The following HMGB2 variants were observed in gnomAD, a reference collection of about 807,000 sequenced individuals.
The protein encoded by HMGB2 is high mobility group box 2.
HMGB2 carries 2 observed loss-of-function variants against 23.0 expected under a neutral mutation model. That is an observed-to-expected ratio of 0.09 (90% CI 0.04 to 0.27). The LOEUF (loss-of-function observed/expected upper bound fraction) is 0.27. Among genes scored for constraint, HMGB2 ranks in the 10% least tolerant of loss-of-function variants. The pLI, the probability that HMGB2 is intolerant of heterozygous loss-of-function variation, is 1.00. For missense variants in HMGB2, 178 were observed against 256.5 expected (o/e 0.69, Z 2.09); for synonymous variants, 99 against 87.5 (o/e 1.13, Z -0.73).
At chr4:173,334,154 C>CCA (rs1482285461) in intron 1 of HMGB2, 118 bp downstream of exon 1, 1 of 152,906 alleles carries the variant, frequency 6.5e-6, no homozygotes, top group Non-Finnish European at 1.5e-5. Context: ...GGCCCGCACC[C>CCA]CAAATGCCGC....
chr4:173,332,687 G>T, intron 4 of HMGB2, 134 bp downstream of exon 4: 1 of 793,702 alleles, frequency 1.3e-6, no homozygotes, highest in Non-Finnish European at 2.1e-6. Flanking sequence ...GTGTTGAAGT[G>T]TACAATTTTC....
Position 173,332,028 on chromosome 4 carries a change from A to G in HMGB2, c.*52T>C. On this transcript the variant is annotated 3_prime_UTR_variant, in exon 5 of 5. Transcript: ENST00000296503. The stretch of plus-strand genomic sequence containing the variant: ...CTTGAATTCACATTCTTAGCAAAAT[A>G]ATTGCCTGAGCACACACACACATTC... 6.2e-7 allele frequency: 1 copy of G among 1,607,440 alleles called. No individual in the cohort carries two copies. Among genetic ancestry groups the G allele is most frequent in the Non-Finnish European group, 8.5e-7 (1 of 1,177,688 alleles).
Position 173,333,056 on chromosome 4 carries a change from A to G in HMGB2, c.296+13T>C. On this transcript the variant is annotated intron_variant, in intron 3 of 4. Coordinates refer to ENST00000296503, the MANE Select transcript of HMGB2 (RefSeq NM_002129.4). The surrounding 1 kb of genome is among the most constrained non-coding windows in gnomAD (Gnocchi z 4.6). ...AAAAATCCAAGGAGCAATTTGGGTTATTTTAAACTTACGGTGGCCTTTTAG... is the reference window on the plus strand; with the variant it reads ...AAAAATCCAAGGAGCAATTTGGGTTGTTTTAAACTTACGGTGGCCTTTTAG... The G allele has an allele frequency of 6.2e-7, 1 of 1,612,906 alleles. No homozygotes were observed. Among genetic ancestry groups the G allele is most frequent in the Admixed American group, 1.7e-5 (1 of 59,786 alleles).
chr4:173,332,662 G>A, intron 4 of HMGB2, 159 bp downstream of exon 4: 1 of 665,460 alleles, frequency 1.5e-6, no homozygotes, highest in South Asian at 1.9e-5. Flanking sequence ...TCAAAAGGAA[G>A]GTTTCAATTA....
rs572751597 is a variant in HMGB2 at position 173,333,578 on chromosome 4, C to T, written c.72G>A (p.Arg24=). The change falls in exon 2 of 5, where the codon CGG becomes CGA. Residue 24 remains arginine, a synonymous_variant. Transcript: ENST00000296503. The surrounding 1 kb of genome is among the most constrained non-coding windows in gnomAD (Gnocchi z 4.6). The part of the protein sequence containing the change: ...SSYAFFVQTC[R]EEHKKKHPDS... Reference sequence around the variant, plus strand: ...CCGGGTGTTTCTTCTTGTGCTCTTCCCGGCAGGTCTGCACGAAGAAGGCGT... The same window carrying T: ...CCGGGTGTTTCTTCTTGTGCTCTTCTCGGCAGGTCTGCACGAAGAAGGCGT... 93 of 1,614,178 alleles carry T rather than the reference C, an allele frequency of 5.8e-5. 2 individuals are homozygous for T. The South Asian group carries it at 9.2e-4, about 16-fold the overall frequency.
At position 173,333,642 on chromosome 4, in the gene HMGB2, T is replaced by C; in HGVS notation, c.8A>G (p.Lys3Arg). MGKGDPNKPRGKM... is the reference protein window; with the variant it reads MGRGDPNKPRGKM... ...GCCCCGCGGCTTGTTGGGGTCTCCT[T>C]TACCCATGTTGACAGATCCGCGTCC... Residue 3 changes from lysine (K) to arginine (R), a missense_variant, in exon 2 of 5, where the codon AAA becomes AGA. Physicochemically the swap from Lys to Arg is conservative, Grantham distance 26. Coordinates refer to ENST00000296503, the MANE Select transcript of HMGB2 (RefSeq NM_002129.4). The surrounding 1 kb of genome is among the most constrained non-coding windows in gnomAD (Gnocchi z 4.6). 1.2e-6 allele frequency: 2 copies of C among 1,613,194 alleles called. No homozygotes were observed. The highest frequency in any genetic ancestry group is 1.1e-5 in the South Asian group (1 of 91,020).
chr4:173,333,518 CT>C lies in HMGB2; in HGVS notation c.131del (p.Lys44SerfsTer32). On this transcript the variant is annotated frameshift_variant, in exon 2 of 5. Transcript: ENST00000296503. LOFTEE classifies it high-confidence loss of function. The surrounding 1 kb of genome is among the most constrained non-coding windows in gnomAD (Gnocchi z 4.6). ...SSVNFAEFSK[K>X]CSERWKTMSA... is the part of the protein sequence containing the mutation. ...GCCTCACCTTCCATCTCTCCGAACA[CT>C]TCTTGGAGAATTCCGCGAAATTGAC... 1 of 1,613,978 alleles carries C rather than the reference CT, an allele frequency of 6.2e-7. No individual in the cohort carries two copies. Among genetic ancestry groups the C allele is most frequent in the African/African-American group, 1.3e-5 (1 of 75,066 alleles).
chr4:173,333,879 G>T lies in HMGB2; in HGVS notation c.-20-210C>A, dbSNP rs1738178091. On this transcript the variant is annotated intron_variant, in intron 1 of 4. Transcript: ENST00000296503. This position sits in a 1 kb window ranked among gnomAD's most constrained non-coding sequence, Gnocchi z 4.6. ...CACCCTCCTCCTCCTCCTCCTCCCGGCCCGAGCGGCCGCGGCTCAGCCCAG... is the reference window on the plus strand; with the variant it reads ...CACCCTCCTCCTCCTCCTCCTCCCGTCCCGAGCGGCCGCGGCTCAGCCCAG... Among the ~76,000 whole-genome samples the T allele has an allele frequency of 6.6e-6, 1 of 150,722 alleles. No homozygotes were observed. The highest frequency in any genetic ancestry group is 1.5e-5 in the Non-Finnish European group (1 of 67,870).
At chr4:173,332,428 G>A (rs1389620218) in intron 4 of HMGB2, 190 bp from the exon 5 acceptor site, 2 of 561,122 alleles carry the variant, frequency 3.6e-6, no homozygotes, top group African/African-American at 3.8e-5. Flanking sequence ...GACAAGGGTT[G>A]CGATACAGCA....
Position 173,333,546 on chromosome 4 carries a change from G to C in HMGB2, c.104C>G (p.Ser35Cys). Residue 35 changes from serine (S) to cysteine (C), a missense_variant, in exon 2 of 5, where the codon TCC becomes TGC. Coordinates refer to ENST00000296503, the MANE Select transcript of HMGB2 (RefSeq NM_002129.4). This position sits in a 1 kb window ranked among gnomAD's most constrained non-coding sequence, Gnocchi z 4.6. ...CTTGGAGAATTCCGCGAAATTGACG[G>C]AAGAGTCCGGGTGTTTCTTCTTGTG... Reference protein sequence around the residue: ...EEHKKKHPDSSVNFAEFSKKC... With the variant: ...EEHKKKHPDSCVNFAEFSKKC... 2 of 1,614,196 alleles carry C rather than the reference G, an allele frequency of 1.2e-6. No individual in the cohort carries two copies. The highest frequency in any genetic ancestry group is 1.7e-6 in the Non-Finnish European group (2 of 1,180,012).
rs1012667099 is a variant in HMGB2 at position 173,334,314 on chromosome 4, C to T, written c.-63G>A. ...TCAGAGTCCCGCAGAGCGGCCGGAC[C>T]CAACGGAGACGCTTCCCTCACGGGG... On this transcript the variant is annotated 5_prime_UTR_variant, in exon 1 of 5. Coordinates refer to ENST00000296503, the MANE Select transcript of HMGB2 (RefSeq NM_002129.4). 1 of 152,392 alleles carries T rather than the reference C, an allele frequency of 6.6e-6. No individual in the cohort carries two copies. The highest frequency in any genetic ancestry group is 2.4e-5 in the African/African-American group (1 of 41,448). The allele number at this position is 152,392 out of a possible 1,614,324, so 9.4% of individuals were successfully genotyped here.
Position 173,331,954 on chromosome 4 carries a change from T to G in HMGB2, c.*126A>C. 6.1e-6 allele frequency: 8 copies of G among 1,322,110 alleles called. No homozygotes were observed. The highest frequency in any genetic ancestry group is 8.2e-6 in the Non-Finnish European group (8 of 970,810). 81.9% of individuals were successfully genotyped at this position (1,322,110 alleles called of 1,614,324 possible). A position where few individuals can be genotyped will look rare whatever the true frequency, so the allele number is the denominator to read the frequency against. On this transcript the variant is annotated 3_prime_UTR_variant, in exon 5 of 5. Coordinates refer to ENST00000296503, the MANE Select transcript of HMGB2 (RefSeq NM_002129.4). Reference sequence around the variant, plus strand: ...TTTCTCTACAGAGAATCTTATCAGCTATACAAAAATCTGTACAGTTTTTAT... The same window carrying G: ...TTTCTCTACAGAGAATCTTATCAGCGATACAAAAATCTGTACAGTTTTTAT...
In HMGB2 at chr4:173,332,033, C is replaced by G; in HGVS notation, c.*47G>C. Reference sequence around the variant, plus strand: ...ATTCACATTCTTAGCAAAATAATTGCCTGAGCACACACACACATTCCACAC... The same window carrying G: ...ATTCACATTCTTAGCAAAATAATTGGCTGAGCACACACACACATTCCACAC... On this transcript the variant is annotated 3_prime_UTR_variant, in exon 5 of 5. Transcript: ENST00000296503. 6.2e-7 allele frequency: 1 copy of G among 1,608,244 alleles called. No homozygotes were observed. The highest frequency in any genetic ancestry group is 2.0e-4 in the Middle Eastern group (1 of 5,116).
chr4:173,333,313 A>T lies in HMGB2; in HGVS notation c.151-99T>A. ...CTTTAAGGACCACATTTTCCTTAACAGCATTTTGCTTTCGAAGTCTTATAT... is the reference window on the plus strand; with the variant it reads ...CTTTAAGGACCACATTTTCCTTAACTGCATTTTGCTTTCGAAGTCTTATAT... On this transcript the variant is annotated intron_variant, in intron 2 of 4. Coordinates refer to ENST00000296503, the MANE Select transcript of HMGB2 (RefSeq NM_002129.4). The surrounding 1 kb of genome is among the most constrained non-coding windows in gnomAD (Gnocchi z 4.6). The T allele has an allele frequency of 7.0e-7, 1 of 1,424,406 alleles. No homozygotes were observed. Among genetic ancestry groups the T allele is most frequent in the Non-Finnish European group, 9.5e-7 (1 of 1,047,936 alleles). The allele number at this position is 1,424,406 out of a possible 1,614,324, so 88.2% of individuals were successfully genotyped here.
At position 173,331,421 on chromosome 4, in the gene HMGB2, G is replaced by C. The variant is rs951963455; in HGVS notation, c.*659C>G. Among the ~76,000 whole-genome samples, 1 of 140,546 alleles carries C rather than the reference G, an allele frequency of 7.1e-6. No homozygotes were observed. The highest frequency in any genetic ancestry group is 7.1e-5 in the Admixed American group (1 of 14,166). The allele number at this position is 140,546 out of a possible 152,430, so 92.2% of individuals were successfully genotyped here. On this transcript the variant is annotated 3_prime_UTR_variant, in exon 5 of 5. Transcript: ENST00000296503. ...GTATATATATATACACACACCTGAGGAACAATTTAGCTAATAAACAGAAAC... is the reference window on the plus strand; with the variant it reads ...GTATATATATATACACACACCTGAGCAACAATTTAGCTAATAAACAGAAAC...
At position 173,332,229 on chromosome 4, in the gene HMGB2, C is replaced by G; in HGVS notation, c.481G>C (p.Ala161Pro). Residue 161 changes from alanine (A) to proline (P), a missense_variant, in exon 5 of 5, where the codon GCA (alanine) becomes CCA (proline). Around this residue, in one of 3 missense-constraint regions of HMGB2, gnomAD observed 43 missense variants for 103.3 expected, o/e 0.42. Transcript: ENST00000296503. ...LKEKYEKDIA[A>P]YRAKGKSEAG... ...TCACTTTTGCCCTTGGCACGATATG[C>G]AGCAATATCCTGAAATATTGTCAAA... 1 of 1,578,580 alleles carries G rather than the reference C, an allele frequency of 6.3e-7. No homozygotes were observed. Among genetic ancestry groups the G allele is most frequent in the South Asian group, 1.2e-5 (1 of 86,122 alleles).
rs778851589 is a variant in HMGB2 at position 173,332,251 on chromosome 4, CA to C, written c.472-14del. The C allele has an allele frequency of 1.9e-6, 3 of 1,543,520 alleles. No homozygotes were observed. The highest frequency in any genetic ancestry group is 2.3e-5 in the East Asian group (1 of 43,938). On this transcript the variant is annotated splice_polypyrimidine_tract_variant and intron_variant, in intron 4 of 4. Transcript: ENST00000296503. ...ATGCAGCAATATCCTGAAATATTGT[CA>C]AAAAAATAAAGCATCCGGTATCATT...
rs754052568 is a variant in HMGB2 at position 173,332,140 on chromosome 4, CTCA to C, written c.567_569del (p.Asp189del). ...CATCTTCTTCTTCCTCCTCCTCCTC[CTCA>C]TCTTCTGGTTCGTTCTTCTTCTTTG... is the stretch of plus-strand genomic sequence containing the variant. On this transcript the variant is annotated inframe_deletion, in exon 5 of 5. Transcript: ENST00000296503. 3.1e-6 allele frequency: 5 copies of C among 1,609,338 alleles called. No individual in the cohort carries two copies. Among genetic ancestry groups the C allele is most frequent in the Admixed American group, 1.7e-5 (1 of 59,948 alleles).
rs1738106449 is a variant in HMGB2 at position 173,331,888 on chromosome 4, T to C, written c.*192A>G. 3.0e-6 allele frequency: 2 copies of C among 660,082 alleles called. No individual in the cohort carries two copies. Among genetic ancestry groups the C allele is most frequent in the Non-Finnish European group, 2.5e-6 (1 of 394,824 alleles). The allele number at this position is 660,082 out of a possible 1,614,324, so 40.9% of individuals were successfully genotyped here. A position where few individuals can be genotyped will look rare whatever the true frequency, so the allele number is the denominator to read the frequency against. On this transcript the variant is annotated 3_prime_UTR_variant, in exon 5 of 5. Coordinates refer to ENST00000296503, the MANE Select transcript of HMGB2 (RefSeq NM_002129.4). Reference sequence around the variant, plus strand: ...AAGCTGTAAAATCTAACTGTATGAGTAGCCCATCAAAAAGCTACAACCTGC... The same window carrying C: ...AAGCTGTAAAATCTAACTGTATGAGCAGCCCATCAAAAAGCTACAACCTGC...
Sources: gnomAD v4.1 joint callset for allele counts (sites outside exome capture counted in the v4.1 genomes callset) on GRCh38, gnomAD v4.1.1 for gene constraint, gnomAD v4.1.1 regional missense constraint, Gnocchi (gnomAD v3.1) non-coding constraint, MANE v1.5 for transcripts, NCBI Gene and HGNC (gene_info 2026-07-23, HGNC 2026-07-21) for gene names.